The following KAZN variants were observed in gnomAD, a reference collection of about 807,000 sequenced individuals.
KAZN encodes the protein kazrin.
KAZN carries 40 observed loss-of-function variants against 87.4 expected under a neutral mutation model. The ratio of observed to expected loss-of-function variants is 0.46; its 90% confidence interval spans 0.36 to 0.60. The LOEUF is 0.60. Among genes scored for constraint, KAZN ranks in the 20% least tolerant of loss-of-function variants. KAZN has a pLI of 0.00. For missense variants in KAZN, 898 were observed against 1,073.9 expected (o/e 0.84, Z 2.29); for synonymous variants, 466 against 458.3 (o/e 1.02, Z -0.22).
chr1:14,880,415 G>T (rs777209396), intron 1 of KAZN, among the ~76,000 whole-genome samples: 4 of 152,156 alleles, frequency 2.6e-5, no homozygotes, highest in Non-Finnish European at 5.9e-5. Flanking sequence ...TCTAGGTACC[G>T]CAGTGGCTTA....
chr1:14,751,055 C>T (rs1266845936), intron 1 of KAZN, among the ~76,000 whole-genome samples: 1 of 152,178 alleles, frequency 6.6e-6, no homozygotes, highest in Admixed American at 6.5e-5. Context: ...GGCCTCCTTC[C>T]TTTGGAGAGG....
At chr1:14,680,125 C>A (rs1420942561) in intron 1 of KAZN, among the ~76,000 whole-genome samples, 1 of 152,144 alleles carries the variant, frequency 6.6e-6, no homozygotes, top group Non-Finnish European at 1.5e-5. Context: ...CTGAGTGACT[C>A]TTTTTAAAAT....
chr1:14,742,171 G>A lies in KAZN; in HGVS notation c.226+142948G>A, dbSNP rs555987122. Reference sequence around the variant, plus strand: ...TGGGGTCCTCTCCAACTGCTATAATGTCAGCTCCAGGAAAGCAGTGACCTT... The same window carrying A: ...TGGGGTCCTCTCCAACTGCTATAATATCAGCTCCAGGAAAGCAGTGACCTT... On this transcript the variant is annotated intron_variant, in intron 1 of 14. Coordinates refer to ENST00000376030, the MANE Select transcript of KAZN (RefSeq NM_201628.3). Among the ~76,000 whole-genome samples the A allele has an allele frequency of 1.7e-4, 26 of 152,300 alleles. No individual in the cohort carries two copies. The South Asian group carries it at 4.8e-3, about 28-fold the overall frequency.
chr1:14,621,575 G>A (rs562215084), intron 1 of KAZN, among the ~76,000 whole-genome samples: 2 of 152,162 alleles, frequency 1.3e-5, no homozygotes, highest in Admixed American at 1.3e-4. Context: ...GCAAGCATGG[G>A]TGATATGGTT....
At chr1:14,731,879 G>A (rs1038996044) in intron 1 of KAZN, among the ~76,000 whole-genome samples, 14 of 152,340 alleles carry the variant, frequency 9.2e-5, no homozygotes, top group Admixed American at 7.2e-4. Context: ...AATGAGGGGG[G>A]TTGGGAGCGT....
At chr1:15,089,443 G>A (rs897341168) in intron 8 of KAZN, among the ~76,000 whole-genome samples, 2 of 152,086 alleles carry the variant, frequency 1.3e-5, no homozygotes, top group African/African-American at 4.8e-5. Flanking sequence ...CCCTCTGAAG[G>A]CACCAAAGCT....
chr1:14,184,929 T>C lies in KAZN; in HGVS notation c.249+4337T>C, dbSNP rs1286004291. Among the ~76,000 whole-genome samples the C allele has an allele frequency of 6.6e-6, 1 of 152,200 alleles. No individual in the cohort carries two copies. Among genetic ancestry groups the C allele is most frequent in the African/African-American group, 2.4e-5 (1 of 41,458 alleles). On this transcript the variant is annotated intron_variant, in intron 2 of 16. Coordinates refer to the KAZN transcript ENST00000636203. This position sits in a 1 kb window ranked among gnomAD's most constrained non-coding sequence, Gnocchi z 4.2. ...TACTAGCACTTTCCATCCCTCCAGATTCTTTCCGAAGTTGATACTGTGGTC... is the reference window on the plus strand; with the variant it reads ...TACTAGCACTTTCCATCCCTCCAGACTCTTTCCGAAGTTGATACTGTGGTC...
At position 15,081,509 on chromosome 1, in the gene KAZN, G is replaced by T. The variant is rs539032024; in HGVS notation, c.1223-12671G>T. On this transcript the variant is annotated intron_variant, in intron 8 of 14. Coordinates refer to ENST00000376030, the MANE Select transcript of KAZN (RefSeq NM_201628.3). This position sits in a 1 kb window ranked among gnomAD's most constrained non-coding sequence, Gnocchi z 4.1. ...TCATCGAATAATTACACAACTGTTC[G>T]TTTCAGCTGTGAGAGATGTCATGCA... 6.6e-6 allele frequency among the ~76,000 whole-genome samples: 1 copy of T among 152,150 alleles called. No homozygotes were observed. The highest frequency in any genetic ancestry group is 1.5e-5 in the Non-Finnish European group (1 of 68,040).
rs147082108 is a variant in KAZN at position 14,457,819 on chromosome 1, G to GTTTTTTTTTTTTTTTTTTT, written c.250-141160_250-141159insTTTTTTTTTTTTTTTTTTT. On this transcript the variant is annotated intron_variant, in intron 2 of 16. Transcript: ENST00000636203. ...ATATTCTTTTTTGTTGTTGTTTTTT[G>GTTTTTTTTTTTTTTTTTTT]TTTTGTTTTTTTTTTTGAAACGGAA... 1.5e-5 allele frequency among the ~76,000 whole-genome samples: 2 copies of GTTTTTTTTTTTTTTTTTTT among 136,942 alleles called. 1 individual carries two copies. Among genetic ancestry groups the GTTTTTTTTTTTTTTTTTTT allele is most frequent in the Non-Finnish European group, 3.1e-5 (2 of 64,648 alleles). The allele number at this position is 136,942 out of a possible 152,430, so 89.8% of individuals were successfully genotyped here.
intron 2 of KAZN, among the ~76,000 whole-genome samples, chr1:14,558,382 A>G (rs1169916908): frequency 6.6e-6 from 1 of 152,166 alleles, no homozygotes; most frequent in Non-Finnish European, 1.5e-5. Flanking sequence ...GCAAGTAAAC[A>G]TCTTTTTTCT....
At chr1:14,918,158 T>C (rs1228051951) in intron 1 of KAZN, among the ~76,000 whole-genome samples, 1 of 152,164 alleles carries the variant, frequency 6.6e-6, no homozygotes, top group Non-Finnish European at 1.5e-5. Context: ...ATTAAAGGCA[T>C]GAGCCACTGC....
Position 13,940,636 on chromosome 1 carries a change from T to C in KAZN, c.91+46880T>C, listed in dbSNP as rs138087181. On this transcript the variant is annotated intron_variant, in intron 1 of 16. Coordinates refer to the KAZN transcript ENST00000636203. ...TCTAGAGTTGAAAAAATACTATAAC[T>C]GAAATTAACTCAATATACAGGTTAG... 5.4e-3 allele frequency among the ~76,000 whole-genome samples: 823 copies of C among 152,210 alleles called. 5 individuals carry two copies. Among genetic ancestry groups the C allele is most frequent in the African/African-American group, 0.019 (790 of 41,530 alleles).
chr1:14,917,785 G>A (rs1657968846), intron 1 of KAZN, among the ~76,000 whole-genome samples: 1 of 152,100 alleles, frequency 6.6e-6, no homozygotes, highest in South Asian at 2.1e-4. Flanking sequence ...CCTGCCTCCT[G>A]GTATCCACCT....
chr1:14,173,033 T>C (rs1645989316), intron 1 of KAZN, among the ~76,000 whole-genome samples: 1 of 152,100 alleles, frequency 6.6e-6, no homozygotes, highest in Admixed American at 6.6e-5. Flanking sequence ...GCCTTAGAAA[T>C]CCCAGGGCAC....
chr1:14,410,105 A>C (rs2101186144), intron 2 of KAZN, among the ~76,000 whole-genome samples: 1 of 152,284 alleles, frequency 6.6e-6, no homozygotes, highest in Non-Finnish European at 1.5e-5. Flanking sequence ...GAAAAGTCCA[A>C]TTTATTTATT....
At chr1:14,130,064 T>G (rs1188245332) in intron 1 of KAZN, among the ~76,000 whole-genome samples, 2 of 152,252 alleles carry the variant, frequency 1.3e-5, no homozygotes, top group African/African-American at 4.8e-5. Context: ...AATTACATTT[T>G]ACAACAGTCA....
chr1:14,510,455 A>G (rs1404487569), intron 2 of KAZN, among the ~76,000 whole-genome samples: 1 of 152,094 alleles, frequency 6.6e-6, no homozygotes, highest in Admixed American at 6.6e-5. Context: ...AGTATGTCCC[A>G]AATATGCATG....
chr1:14,827,463 C>A (rs564099215), intron 1 of KAZN, among the ~76,000 whole-genome samples: 8 of 152,120 alleles, frequency 5.3e-5, no homozygotes, highest in African/African-American at 1.9e-4. Flanking sequence ...TAGGCCTTTG[C>A]GTCCTCGTAG....
intron 1 of KAZN, among the ~76,000 whole-genome samples, chr1:14,831,246 C>T (rs1647039875): frequency 6.6e-6 from 1 of 152,196 alleles, no homozygotes. Flanking sequence ...GAGGCTCATC[C>T]CTGATGGATC....
Sources: gnomAD v4.1 joint callset for allele counts (sites outside exome capture counted in the v4.1 genomes callset) on GRCh38, gnomAD v4.1.1 for gene constraint, Gnocchi (gnomAD v3.1) non-coding constraint, MANE v1.5 for transcripts, NCBI Gene and HGNC (gene_info 2026-07-23, HGNC 2026-07-21) for gene names.